RAPGEF6: variants seen among roughly 807,000 people sequenced by gnomAD.
RAPGEF6 encodes PDZ domain containing guanine nucleotide exchange factor (GEF) 2.
Under a neutral mutation model 171.4 loss-of-function variants are expected in RAPGEF6, and 56 were observed. The ratio of observed to expected loss-of-function variants is 0.33; its 90% CI spans 0.26 to 0.41. RAPGEF6 has a LOEUF of 0.41. Among genes scored for constraint, RAPGEF6 ranks in the 10% least tolerant of loss-of-function variants. RAPGEF6 has a pLI of 1.00. For missense variants in RAPGEF6, 1,674 were observed against 1,921.4 expected (o/e 0.87, Z 2.41); for synonymous variants, 692 against 650.1 (o/e 1.06, Z -0.98).
rs546203305 is a variant in RAPGEF6 at position 131,531,452 on chromosome 5, G to A, written c.496-9931C>T. On this transcript the variant is annotated intron_variant, in intron 6 of 27. Transcript: ENST00000509018. ...TTCCTACAACCTAGCCTGGAAGGTT[G>A]TATAGCACTTTGCTTTTTTGTGAGT... Among the ~76,000 whole-genome samples the A allele has an allele frequency of 2.0e-5, 3 of 152,252 alleles. No homozygotes were observed. In the East Asian group the frequency reaches 5.8e-4, roughly 29 times the overall value.
chr5:131,446,456 G>A (rs200245736), intron 22 of RAPGEF6, 27 bp downstream of exon 22: 31 of 1,576,078 alleles, frequency 2.0e-5, no homozygotes, highest in South Asian at 1.0e-4. Context: ...GCTCTTTAGC[G>A]TCACATAAAT....
intron 1 of RAPGEF6, among the ~76,000 whole-genome samples, chr5:131,613,387 G>A (rs970692693): frequency 1.4e-4 from 22 of 152,074 alleles, no homozygotes; most frequent in African/African-American, 5.3e-4. Context: ...TCCAGCCTGG[G>A]CGACACAGCG....
chr5:131,533,736 A>G (rs1485191797), intron 6 of RAPGEF6, among the ~76,000 whole-genome samples: 1 of 152,120 alleles, frequency 6.6e-6, no homozygotes, highest in African/African-American at 2.4e-5. Context: ...TCTACACAAC[A>G]TGGTACTTTC....
At chr5:131,428,517 A>G (rs1466344523) in intron 27 of RAPGEF6, among the ~76,000 whole-genome samples, 7 of 151,754 alleles carry the variant, frequency 4.6e-5, no homozygotes, top group Non-Finnish European at 7.4e-5. Context: ...CTGGAGTGCA[A>G]TGGTGCGATC....
intron 21 of RAPGEF6, among the ~76,000 whole-genome samples, chr5:131,452,608 ATTTTATTGTATTTG>A (rs1207286971): frequency 6.6e-6 from 1 of 151,340 alleles, no homozygotes; most frequent in East Asian, 2.0e-4. Context: ...AATATCAGCA[ATTTTATTGTATTTG>A]TTTGCTGATT....
At chr5:131,462,970 T>C (rs540317330) in intron 18 of RAPGEF6, among the ~76,000 whole-genome samples, 74 of 152,308 alleles carry the variant, frequency 4.9e-4, no homozygotes, top group Non-Finnish European at 7.6e-4. Flanking sequence ...TGTTTAACAT[T>C]ATAAGGTATG....
rs143817431 is a variant in RAPGEF6 at position 131,517,252 on chromosome 5, C to T, written c.627+4138G>A. ...TATGTAAGAAATCTGCACATGTACC[C>T]CCCTGCATCTAAAATAAAAGTTGAA... On this transcript the variant is annotated intron_variant, in intron 7 of 27. Coordinates refer to ENST00000509018, the MANE Select transcript of RAPGEF6 (RefSeq NM_016340.6). 4.9e-3 allele frequency among the ~76,000 whole-genome samples: 742 copies of T among 152,118 alleles called. 9 individuals are homozygous for T. Among genetic ancestry groups the T allele is most frequent in the African/African-American group, 0.017 (725 of 41,506 alleles).
intron 24 of RAPGEF6, among the ~76,000 whole-genome samples, chr5:131,435,595 T>C (rs776897029): frequency 1.3e-5 from 2 of 152,190 alleles, no homozygotes; most frequent in Non-Finnish European, 2.9e-5. Context: ...GACACAGTAA[T>C]TGCATTTTTT....
At chr5:131,528,236 A>AT (rs1759071229) in intron 6 of RAPGEF6, among the ~76,000 whole-genome samples, 2 of 130,434 alleles carry the variant, frequency 1.5e-5, no homozygotes, top group East Asian at 2.0e-4. Context: ...ATATATTTAT[A>AT]TATCATATAT....
intron 14 of RAPGEF6, among the ~76,000 whole-genome samples, chr5:131,490,582 G>A (rs577890356): frequency 3.9e-5 from 6 of 152,150 alleles, no homozygotes; most frequent in South Asian, 2.1e-4. Context: ...CAAAAGAAGC[G>A]CAAAGAGTTT....
intron 1 of RAPGEF6, among the ~76,000 whole-genome samples, chr5:131,630,456 T>A (rs1766230682): frequency 6.6e-6 from 1 of 152,228 alleles, no homozygotes; most frequent in Non-Finnish European, 1.5e-5. Context: ...ACCTGCAGTA[T>A]CTGGGAGGTA....
chr5:131,588,146 T>A (rs1763370567), intron 4 of RAPGEF6, among the ~76,000 whole-genome samples: 1 of 152,162 alleles, frequency 6.6e-6, no homozygotes, highest in South Asian at 2.1e-4. Flanking sequence ...ATTCACACTA[T>A]TTTTGCTTCC....
intron 7 of RAPGEF6, among the ~76,000 whole-genome samples, chr5:131,519,391 A>G (rs898319501): frequency 2.6e-5 from 4 of 152,000 alleles, no homozygotes; most frequent in African/African-American, 9.7e-5. Context: ...CCAGGTTCTT[A>G]TAGTTTTTCT....
intron 21 of RAPGEF6, chr5:131,450,130 CTA>C: frequency 7.4e-7 from 1 of 1,350,648 alleles, no homozygotes; most frequent in Non-Finnish European, 1.0e-6. Context: ...GTCAGAGAAA[CTA>C]TGCAGACAGA....
intron 7 of RAPGEF6, among the ~76,000 whole-genome samples, chr5:131,512,660 G>A (rs1757813986): frequency 6.6e-6 from 1 of 152,110 alleles, no homozygotes. Context: ...AATTAGACAA[G>A]CTAGTTCTTA....
In RAPGEF6 at chr5:131,635,131, G is replaced by A; in HGVS notation, c.-101C>T. 8.1e-7 allele frequency: 1 copy of A among 1,234,994 alleles called. No homozygotes were observed. The allele number at this position is 1,234,994 out of a possible 1,614,324, so 76.5% of individuals were successfully genotyped here. A position where few individuals can be genotyped will look rare whatever the true frequency, so the allele number is the denominator to read the frequency against. On this transcript the variant is annotated 5_prime_UTR_variant, in exon 1 of 28. Transcript: ENST00000509018. ...GGTACCTTTCCCCCGCCCCAAGGAG[G>A]GAACTTCGCGCCGTAACAAGGTCCG...
At chr5:131,579,978 T>A (rs550468666) in intron 4 of RAPGEF6, among the ~76,000 whole-genome samples, 35 of 152,370 alleles carry the variant, frequency 2.3e-4, no homozygotes, top group African/African-American at 5.8e-4. Context: ...CTTTGCCTAG[T>A]GGACCCAGCA....
At chr5:131,587,067 A>G (rs1763295777) in intron 4 of RAPGEF6, among the ~76,000 whole-genome samples, 2 of 152,170 alleles carry the variant, frequency 1.3e-5, no homozygotes, top group African/African-American at 4.8e-5. Flanking sequence ...ACTAGCAGAA[A>G]TTGGTTTTGC....
At chr5:131,449,970 T>C (rs1324316212) in intron 21 of RAPGEF6, 105 of 1,487,260 alleles carry the variant, frequency 7.1e-5, no homozygotes, top group Non-Finnish European at 9.0e-5. Flanking sequence ...GGATGCAATA[T>C]ATGTTAAGAG....
Sources: allele counts gnomAD v4.1 joint callset (sites outside exome capture counted in the v4.1 genomes callset), GRCh38; gene constraint gnomAD v4.1.1; transcripts MANE v1.5; gene names NCBI Gene and HGNC (gene_info 2026-07-23, HGNC 2026-07-21).